C8orf34: variants seen among roughly 807,000 people sequenced by gnomAD.
C8orf34 encodes chromosome 8 open reading frame 34, also known as uncharacterized protein C8orf34.
In C8orf34, 65 loss-of-function variants were observed where a neutral mutation model predicts 68.3. That is an observed-to-expected ratio of 0.95 (90% confidence interval 0.78 to 1.17). The LOEUF is 1.17. Ranked by LOEUF, C8orf34 falls within the 50% of genes most tolerant of loss-of-function variation. The pLI is 0.00. For missense variants in C8orf34, 664 were observed against 655.4 expected (o/e 1.01, Z -0.14); for synonymous variants, 244 against 241.2 (o/e 1.01, Z -0.11).
chr8:68,697,559 C>G (rs1820872232), intron 8 of C8orf34, among the ~76,000 whole-genome samples: 1 of 152,052 alleles, frequency 6.6e-6, no homozygotes, highest in African/African-American at 2.4e-5. Flanking sequence ...TCAATACTTG[C>G]TAGTCATCCC....
At chr8:68,550,140 T>C (rs143756979) in intron 7 of C8orf34, among the ~76,000 whole-genome samples, 2 of 151,940 alleles carry the variant, frequency 1.3e-5, no homozygotes, top group East Asian at 3.9e-4. Flanking sequence ...TTTCTATGTA[T>C]TATTCTTGTT....
At chr8:68,799,719 T>C (rs1824275023) in intron 12 of C8orf34, among the ~76,000 whole-genome samples, 1 of 152,214 alleles carries the variant, frequency 6.6e-6, no homozygotes, top group Non-Finnish European at 1.5e-5. Flanking sequence ...TATCAAGTTA[T>C]AGAGAAGTCC....
chr8:68,412,470 T>G (rs1342119003), intron 1 of C8orf34, among the ~76,000 whole-genome samples: 1 of 152,134 alleles, frequency 6.6e-6, no homozygotes, highest in Non-Finnish European at 1.5e-5. Context: ...GCCATCAGAT[T>G]ACATTTCCCA....
intron 10 of C8orf34, among the ~76,000 whole-genome samples, chr8:68,760,477 G>T (rs1822991147): frequency 6.6e-6 from 1 of 152,112 alleles, no homozygotes; most frequent in Non-Finnish European, 1.5e-5. Flanking sequence ...TGATTTCCAG[G>T]GAGTGTTGAA....
chr8:68,330,935 C>CCTCTGCCTCGAAT (rs1360276419), upstream of C8orf34: 5 of 1,158,032 alleles, frequency 4.3e-6, no homozygotes, highest in Non-Finnish European at 4.6e-6. Context: ...GAGAAAGGAA[C>CCTCTGCCTCGAAT]CTCTGCCTCG....
intron 10 of C8orf34, among the ~76,000 whole-genome samples, chr8:68,743,243 T>C (rs1822356832): frequency 6.6e-6 from 1 of 152,140 alleles, no homozygotes; most frequent in South Asian, 2.1e-4. Flanking sequence ...GGACTTAGAG[T>C]AGCAATGGAT....
At chr8:68,807,259 G>A (rs1481218880) in intron 12 of C8orf34, among the ~76,000 whole-genome samples, 1 of 152,156 alleles carries the variant, frequency 6.6e-6, no homozygotes, top group African/African-American at 2.4e-5. Context: ...GAAAACAAAA[G>A]AATTTGAAGA....
At chr8:68,540,445 G>C (rs1815655812) in intron 7 of C8orf34, among the ~76,000 whole-genome samples, 1 of 151,780 alleles carries the variant, frequency 6.6e-6, no homozygotes, top group Non-Finnish European at 1.5e-5. Context: ...ATTGTCAAAA[G>C]AGGATTTGTT....
At chr8:68,434,812 C>T (rs1031765943) in intron 1 of C8orf34, among the ~76,000 whole-genome samples, 2 of 151,854 alleles carry the variant, frequency 1.3e-5, no homozygotes, top group Admixed American at 6.6e-5. Context: ...TCTGGGAGGC[C>T]GAGGTAGGCG....
chr8:68,624,947 G>T (rs563389780), intron 7 of C8orf34, among the ~76,000 whole-genome samples: 5 of 142,968 alleles, frequency 3.5e-5, no homozygotes, highest in Admixed American at 2.1e-4. Context: ...TTACTACATT[G>T]CCCAGGCTGC....
At chr8:68,595,266 G>A (rs900753761) in intron 7 of C8orf34, among the ~76,000 whole-genome samples, 5 of 151,210 alleles carry the variant, frequency 3.3e-5, no homozygotes, top group Admixed American at 6.6e-5. Context: ...TTTCAAAGTT[G>A]TTGATCTTTA....
At chr8:68,521,060 G>C (rs1344321182) in intron 5 of C8orf34, among the ~76,000 whole-genome samples, 2 of 152,136 alleles carry the variant, frequency 1.3e-5, no homozygotes, top group Non-Finnish European at 2.9e-5. Flanking sequence ...ATAAATATTA[G>C]AGAGTGAAGA....
At chr8:68,526,099 A>G (rs1314847971) in intron 6 of C8orf34, among the ~76,000 whole-genome samples, 1 of 151,568 alleles carries the variant, frequency 6.6e-6, no homozygotes, top group East Asian at 1.9e-4. Context: ...CTGGGACTAC[A>G]GGTGTGCCCC....
chr8:68,653,059 C>A (rs1275769273), intron 8 of C8orf34, among the ~76,000 whole-genome samples: 2 of 151,978 alleles, frequency 1.3e-5, no homozygotes, highest in African/African-American at 2.4e-5. Context: ...TTATTTCTGA[C>A]AAAATACAAT....
Position 68,592,743 on chromosome 8 carries a change from G to A in C8orf34, c.1106-47633G>A, listed in dbSNP as rs771719809. 2.0e-5 allele frequency among the ~76,000 whole-genome samples: 3 copies of A among 151,512 alleles called. No homozygotes were observed. In the East Asian group the frequency reaches 5.9e-4, roughly 30 times the overall value. On this transcript the variant is annotated intron_variant, in intron 7 of 13. Transcript: ENST00000518698. ...CCTGCCTCAGCCTCCTGAGTAGCTAGAATTACAGTCATGTGCCACCACACC... is the reference window on the plus strand; with the variant it reads ...CCTGCCTCAGCCTCCTGAGTAGCTAAAATTACAGTCATGTGCCACCACACC...
intron 1 of C8orf34, among the ~76,000 whole-genome samples, chr8:68,408,558 T>TC (rs967011240): frequency 3.9e-5 from 6 of 152,104 alleles, no homozygotes; most frequent in Admixed American, 1.3e-4. Context: ...TTCTTTTTGT[T>TC]TATACACTCA....
intron 6 of C8orf34, among the ~76,000 whole-genome samples, chr8:68,522,187 A>T (rs956636609): frequency 6.6e-6 from 1 of 152,178 alleles, no homozygotes; most frequent in Admixed American, 6.5e-5. Context: ...TTTTCTTCAA[A>T]TCTAGATCAC....
At chr8:68,588,147 A>T (rs1586413924) in intron 7 of C8orf34, among the ~76,000 whole-genome samples, 1 of 152,108 alleles carries the variant, frequency 6.6e-6, no homozygotes, top group Non-Finnish European at 1.5e-5. Flanking sequence ...TTCCCCATCC[A>T]AAATTTTGAG....
intron 1 of C8orf34, among the ~76,000 whole-genome samples, chr8:68,410,863 T>C (rs994712073): frequency 8.5e-5 from 13 of 152,308 alleles, no homozygotes; most frequent in Middle Eastern, 3.4e-3. Context: ...GGATCCCAAC[T>C]AGTCCAGCTT....
Sources: gnomAD v4.1 joint callset for allele counts (sites outside exome capture counted in the v4.1 genomes callset) on GRCh38, gnomAD v4.1.1 for gene constraint, MANE v1.5 for transcripts, NCBI Gene and HGNC (gene_info 2026-07-23, HGNC 2026-07-21) for gene names.